Variants in PKN2 observed in about 807,000 individuals in gnomAD.
PKN2 encodes the protein serine/threonine-protein kinase N2.
A neutral mutation model predicts 119.1 loss-of-function variants in PKN2; 38 were observed. The observed-to-expected ratio is 0.32, with a 90% CI of 0.25 to 0.42. PKN2 has a LOEUF of 0.42. Ranked by LOEUF, PKN2 falls within the 10% of genes least tolerant of loss-of-function variation. The pLI, the probability that PKN2 is intolerant of heterozygous loss-of-function variation, is 1.00. For missense variants in PKN2, 850 were observed against 1,165.1 expected, an observed-to-expected ratio of 0.73 and a Z score of 3.94; for synonymous variants, 390 against 384.9, an observed-to-expected ratio of 1.01 and a Z score of -0.15.
At chr1:88,720,859 T>C (rs1667648729) in intron 1 of PKN2, among the ~76,000 whole-genome samples, 2 of 152,212 alleles carry the variant, frequency 1.3e-5, no homozygotes, top group Admixed American at 1.3e-4. Context: ...CTCCCACTTA[T>C]GAGTGAGAAC....
chr1:88,808,153 T>G (rs1411424861), intron 15 of PKN2, among the ~76,000 whole-genome samples: 1 of 152,176 alleles, frequency 6.6e-6, no homozygotes, highest in Admixed American at 6.5e-5. Flanking sequence ...TAATCTACAG[T>G]TAATGGAATG....
At chr1:88,771,395 A>T (rs9287139) in intron 4 of PKN2, 26 bp from the exon 5 acceptor site, 61 of 1,560,620 alleles carry the variant, frequency 3.9e-5, no homozygotes, top group Non-Finnish European at 4.6e-5. Context: ...TAAATGGTGC[A>T]ATTAAAATTT....
intron 3 of PKN2, among the ~76,000 whole-genome samples, chr1:88,769,842 T>C (rs545136985): frequency 3.3e-4 from 50 of 152,200 alleles, no homozygotes; most frequent in African/African-American, 1.0e-3. Context: ...GGTCAAAAGG[T>C]ACATACTTAG....
intron 1 of PKN2, among the ~76,000 whole-genome samples, chr1:88,726,646 C>T (rs1470512518): frequency 1.3e-5 from 2 of 152,066 alleles, no homozygotes; most frequent in African/African-American, 4.8e-5. Flanking sequence ...TTTCTTCTGT[C>T]AGGGTAACAC....
chr1:88,803,219 T>A (rs947326770), intron 8 of PKN2, among the ~76,000 whole-genome samples: 3 of 152,200 alleles, frequency 2.0e-5, no homozygotes, highest in Admixed American at 6.5e-5. Context: ...CCTGTTTGAC[T>A]GTGAAACCCT....
intron 15 of PKN2, among the ~76,000 whole-genome samples, chr1:88,809,407 T>C (rs973711426): frequency 1.3e-5 from 2 of 152,250 alleles, no homozygotes; most frequent in African/African-American, 4.8e-5. Context: ...TATTTGCTTT[T>C]CTCCAGATTC....
chr1:88,753,449 C>T (rs903267768), intron 2 of PKN2, among the ~76,000 whole-genome samples: 4 of 152,006 alleles, frequency 2.6e-5, no homozygotes, highest in African/African-American at 7.2e-5. Context: ...AAGATATTTT[C>T]GTTGGATATA....
intron 8 of PKN2, among the ~76,000 whole-genome samples, chr1:88,794,611 A>G (rs1670984238): frequency 6.6e-6 from 1 of 152,138 alleles, no homozygotes; most frequent in Admixed American, 6.5e-5. Flanking sequence ...TAATTAGCTA[A>G]CTAATTAATG....
intron 1 of PKN2, among the ~76,000 whole-genome samples, chr1:88,713,862 G>A (rs1296310515): frequency 6.6e-6 from 1 of 152,174 alleles, no homozygotes; most frequent in African/African-American, 2.4e-5. Flanking sequence ...CCATGCCTAT[G>A]TCCTGAATGG....
chr1:88,789,530 G>T (rs1260247586), intron 8 of PKN2, among the ~76,000 whole-genome samples: 2 of 152,026 alleles, frequency 1.3e-5, no homozygotes, highest in African/African-American at 2.4e-5. Context: ...GGGTGCAGTG[G>T]CAGACGCCTG....
At chr1:88,707,402 G>A (rs1025799998) in intron 1 of PKN2, among the ~76,000 whole-genome samples, 2 of 151,892 alleles carry the variant, frequency 1.3e-5, no homozygotes, top group Non-Finnish European at 1.5e-5. Flanking sequence ...TGGTTTTAGC[G>A]ACAGTGTAGT....
intron 15 of PKN2, among the ~76,000 whole-genome samples, chr1:88,810,265 C>T (rs1422359509): frequency 6.6e-6 from 1 of 151,774 alleles, no homozygotes; most frequent in Non-Finnish European, 1.5e-5. Context: ...GGATTACAGG[C>T]TTGCACCACC....
intron 6 of PKN2, among the ~76,000 whole-genome samples, chr1:88,777,377 C>T (rs1279395403): frequency 6.6e-6 from 1 of 152,128 alleles, no homozygotes; most frequent in East Asian, 1.9e-4. Context: ...GTAAGTCCAA[C>T]ATGTCTTGAC....
intron 2 of PKN2, among the ~76,000 whole-genome samples, chr1:88,743,620 C>T (rs1269831893): frequency 6.6e-6 from 1 of 152,176 alleles, no homozygotes; most frequent in Non-Finnish European, 1.5e-5. Flanking sequence ...TATCACTAAA[C>T]TGTCTCCTCC....
chr1:88,766,680 G>A (rs1426205797), intron 3 of PKN2, among the ~76,000 whole-genome samples: 1 of 152,024 alleles, frequency 6.6e-6, no homozygotes, highest in Non-Finnish European at 1.5e-5. Flanking sequence ...CCCAAAATTT[G>A]TATTAACATA....
intron 8 of PKN2, among the ~76,000 whole-genome samples, chr1:88,788,334 T>C (rs2100835568): frequency 6.6e-6 from 1 of 152,354 alleles, no homozygotes; most frequent in Middle Eastern, 3.4e-3. Flanking sequence ...TGGATTTTGC[T>C]ATTAGAAAAA....
chr1:88,769,369 C>G (rs1234649363), intron 3 of PKN2, among the ~76,000 whole-genome samples: 1 of 152,082 alleles, frequency 6.6e-6, no homozygotes, highest in Non-Finnish European at 1.5e-5. Context: ...CAATTGCTAT[C>G]TGTGATTAGG....
At chr1:88,759,031 G>C (rs1364139664) in intron 2 of PKN2, among the ~76,000 whole-genome samples, 1 of 152,082 alleles carries the variant, frequency 6.6e-6, no homozygotes, top group Non-Finnish European at 1.5e-5. Flanking sequence ...CTTTTTCCCT[G>C]CATTCTCGCT....
At chr1:88,688,032 G>C (rs1319576573) in intron 1 of PKN2, among the ~76,000 whole-genome samples, 3 of 152,002 alleles carry the variant, frequency 2.0e-5, no homozygotes, top group African/African-American at 4.8e-5. Flanking sequence ...ATTGCTCATG[G>C]TTACATTGTG....
Sources: gnomAD v4.1 joint callset for allele counts (sites outside exome capture counted in the v4.1 genomes callset) on GRCh38, gnomAD v4.1.1 for gene constraint, MANE v1.5 for transcripts, NCBI Gene and HGNC (gene_info 2026-07-23, HGNC 2026-07-21) for gene names.